The following UBE2K variants were observed in gnomAD, a reference collection of about 807,000 sequenced individuals.
UBE2K encodes ubiquitin conjugating enzyme E2 K.
In UBE2K, 6 loss-of-function variants were observed where a neutral mutation model predicts 30.0. The ratio of observed to expected loss-of-function variants is 0.20; its 90% CI spans 0.11 to 0.39. The LOEUF (loss-of-function observed/expected upper bound fraction) is 0.39. Ranked by LOEUF, UBE2K falls within the 10% of genes least tolerant of loss-of-function variation. The probability of loss-of-function intolerance (pLI) is 1.00; values close to 1 mark genes in which losing one functional copy is unlikely to be tolerated. For synonymous variants in UBE2K, 86 were observed against 83.7 expected, an observed-to-expected ratio of 1.03 and a Z score of -0.15; for missense variants, 61 against 241.6, an observed-to-expected ratio of 0.25 and a Z score of 4.96.
intron 4 of UBE2K, among the ~76,000 whole-genome samples, chr4:39,765,091 T>C (rs1712230406): frequency 6.6e-6 from 1 of 152,056 alleles, no homozygotes; most frequent in Non-Finnish European, 1.5e-5. Flanking sequence ...TTCACCGTGT[T>C]AGCCAGGATG....
At chr4:39,704,380 A>G (rs1390045487) in intron 1 of UBE2K, among the ~76,000 whole-genome samples, 3 of 152,022 alleles carry the variant, frequency 2.0e-5, no homozygotes, top group African/African-American at 7.2e-5. Flanking sequence ...GGTTTCTGGA[A>G]TGGGTTGAGC....
chr4:39,766,157 GTGTGTGTTTTTGTC>G, intron 4 of UBE2K, among the ~76,000 whole-genome samples: 1 of 151,544 alleles, frequency 6.6e-6, no homozygotes, highest in Admixed American at 6.6e-5. Flanking sequence ...TGTGTTTTTT[GTGTGTGTTTTTGTC>G]TGTGTGTGTT....
intron 3 of UBE2K, among the ~76,000 whole-genome samples, chr4:39,746,953 T>C (rs1401783422): frequency 6.6e-6 from 1 of 152,200 alleles, no homozygotes; most frequent in African/African-American, 2.4e-5. Flanking sequence ...ATATAGGTCT[T>C]TTACACCTAT....
chr4:39,711,037 TTTG>T (rs1426749326), intron 1 of UBE2K, among the ~76,000 whole-genome samples: 4 of 152,030 alleles, frequency 2.6e-5, no homozygotes, highest in Non-Finnish European at 5.9e-5. Flanking sequence ...CCTTCATATT[TTTG>T]TTTTTACTGT....
chr4:39,776,563 G>A (rs1165662653), intron 5 of UBE2K, among the ~76,000 whole-genome samples: 1 of 152,024 alleles, frequency 6.6e-6, no homozygotes, highest in African/African-American at 2.4e-5. Flanking sequence ...GCTTTTTCAA[G>A]CATTGCATTC....
At chr4:39,773,604 G>A (rs994005921) in intron 4 of UBE2K, among the ~76,000 whole-genome samples, 1 of 151,982 alleles carries the variant, frequency 6.6e-6, no homozygotes, top group Non-Finnish European at 1.5e-5. Context: ...GAAATGGATA[G>A]AAAAATAAGT....
At chr4:39,743,508 G>A (rs1430075332) in intron 2 of UBE2K, among the ~76,000 whole-genome samples, 1 of 151,900 alleles carries the variant, frequency 6.6e-6, no homozygotes, top group Non-Finnish European at 1.5e-5. Flanking sequence ...GGAGGCTGAG[G>A]CAGGAGAATG....
At position 39,739,442 on chromosome 4, in the gene UBE2K, A is replaced by ATTTT. The variant is rs35957337; in HGVS notation, c.157+1946_157+1949dup. Among the ~76,000 whole-genome samples, 44 of 105,782 alleles carry ATTTT rather than the reference A, an allele frequency of 4.2e-4. 1 individual carries two copies. The highest frequency in any genetic ancestry group is 4.8e-4 in the Non-Finnish European group (26 of 54,160). The allele number at this position is 105,782 out of a possible 152,430, so 69.4% of individuals were successfully genotyped here. A position where few individuals can be genotyped will look rare whatever the true frequency, so the allele number is the denominator to read the frequency against. On this transcript the variant is annotated intron_variant, in intron 2 of 6. Transcript: ENST00000261427. ...CATATTATACCAATTCTGTTTATTC[A>ATTTT]TTTTTTTTTTTTTTTTTTTTGGGAG... is the stretch of plus-strand genomic sequence containing the variant.
intron 1 of UBE2K, among the ~76,000 whole-genome samples, chr4:39,701,488 C>T (rs755408313): frequency 2.6e-5 from 4 of 152,034 alleles, no homozygotes; most frequent in African/African-American, 9.7e-5. Context: ...GTCCTATTTC[C>T]TAGATGAGAA....
In UBE2K at chr4:39,782,478, G is replaced by A. The variant is rs1427987249; in HGVS notation, c.*4044G>A. The stretch of plus-strand genomic sequence containing the variant: ...CTGCTGGAAGTCTACTGCCATTATA[G>A]GGAACCTTGCTTGTTAGCTTCTCTA... On this transcript the variant is annotated 3_prime_UTR_variant, in exon 7 of 7. Coordinates refer to ENST00000261427, the MANE Select transcript of UBE2K (RefSeq NM_005339.5). 1 of 152,080 alleles carries A rather than the reference G, an allele frequency of 6.6e-6. No homozygotes were observed. The highest frequency in any genetic ancestry group is 1.5e-5 in the Non-Finnish European group (1 of 68,028). The allele number at this position is 152,080 out of a possible 1,614,324, so 9.4% of individuals were successfully genotyped here.
At chr4:39,705,120 A>G (rs1241243326) in intron 1 of UBE2K, among the ~76,000 whole-genome samples, 1 of 148,714 alleles carries the variant, frequency 6.7e-6, no homozygotes, top group East Asian at 2.0e-4. Context: ...GCTGGTCTCG[A>G]GCTCCTGACC....
At position 39,768,750 on chromosome 4, in the gene UBE2K, C is replaced by T. The variant is rs180954293; in HGVS notation, c.300-6084C>T. Among the ~76,000 whole-genome samples, 648 of 152,296 alleles carry T rather than the reference C, an allele frequency of 4.3e-3. 4 individuals carry two copies. Among genetic ancestry groups the T allele is most frequent in the Admixed American group, 7.7e-3 (117 of 15,294 alleles). Reference sequence around the variant, plus strand: ...ATGGTTGTACTAATTTGTATTCCCACCAGCAGTGTGCGAGGGTTTCCTTTC... The same window carrying T: ...ATGGTTGTACTAATTTGTATTCCCATCAGCAGTGTGCGAGGGTTTCCTTTC... On this transcript the variant is annotated intron_variant, in intron 4 of 6. Transcript: ENST00000261427.
chr4:39,778,249 A>G (rs890283840), intron 6 of UBE2K, 111 bp from the exon 7 acceptor site: 7 of 549,060 alleles, frequency 1.3e-5, no homozygotes, highest in African/African-American at 7.7e-5. Flanking sequence ...ATGTAAATCA[A>G]CTTACAGAAA....
chr4:39,781,983 CATATT>C lies in UBE2K; in HGVS notation c.*3552_*3556del, dbSNP rs770868025. 1.5e-5 allele frequency: 6 copies of C among 398,290 alleles called. No individual in the cohort carries two copies. Among genetic ancestry groups the C allele is most frequent in the Non-Finnish European group, 2.7e-5 (6 of 225,902 alleles). 24.7% of individuals were successfully genotyped at this position (398,290 alleles called of 1,614,324 possible). A position where few individuals can be genotyped will look rare whatever the true frequency, so the allele number is the denominator to read the frequency against. On this transcript the variant is annotated 3_prime_UTR_variant, in exon 7 of 7. Coordinates refer to ENST00000261427, the MANE Select transcript of UBE2K (RefSeq NM_005339.5). Reference sequence around the variant, plus strand: ...AAGTGTGACTTTTCTTCAGTGTCTACATATTATGTCACACGTTCTATTTGCACTGC... The same window carrying C: ...AAGTGTGACTTTTCTTCAGTGTCTACATGTCACACGTTCTATTTGCACTGC...
rs1368883822 is a variant in UBE2K, at chr4:39,778,452, A to G, written c.*18A>G. On this transcript the variant is annotated 3_prime_UTR_variant, in exon 7 of 7. Transcript: ENST00000261427. Reference sequence around the variant, plus strand: ...GTAACTGAGGCATAGAGAGCTGCTGATATAGTCAAGCTTGCCTCTTCTTGA... The same window carrying G: ...GTAACTGAGGCATAGAGAGCTGCTGGTATAGTCAAGCTTGCCTCTTCTTGA... 1.3e-6 allele frequency: 2 copies of G among 1,563,300 alleles called. No homozygotes were observed. The highest frequency in any genetic ancestry group is 1.1e-5 in the South Asian group (1 of 89,042).
intron 1 of UBE2K, among the ~76,000 whole-genome samples, chr4:39,734,128 CAG>C (rs1228979365): frequency 7.8e-6 from 1 of 128,828 alleles, no homozygotes; most frequent in African/African-American, 2.9e-5. Context: ...TTTTTTGAGA[CAG>C]AGTCTCACTG....
chr4:39,720,714 A>G (rs1045816240), intron 1 of UBE2K, among the ~76,000 whole-genome samples: 1 of 152,090 alleles, frequency 6.6e-6, no homozygotes, highest in Admixed American at 6.5e-5. Flanking sequence ...TGAATAATGG[A>G]AAAACATTTT....
intron 4 of UBE2K, among the ~76,000 whole-genome samples, chr4:39,772,997 C>CT (rs34603997): frequency 2.0e-5 from 3 of 151,752 alleles, no homozygotes; most frequent in Non-Finnish European, 4.4e-5. Flanking sequence ...AGTGAGACAA[C>CT]TTTTTTTAAC....
Position 39,698,225 on chromosome 4 carries a change from C to A in UBE2K, c.-103C>A. The A allele has an allele frequency of 1.7e-6, 2 of 1,163,862 alleles. No individual in the cohort carries two copies. Among genetic ancestry groups the A allele is most frequent in the Non-Finnish European group, 2.5e-6 (2 of 792,842 alleles). 72.1% of individuals were successfully genotyped at this position (1,163,862 alleles called of 1,614,324 possible). On this transcript the variant is annotated 5_prime_UTR_variant, in exon 1 of 7. It adds an upstream start codon to the 5' untranslated region. Coordinates refer to ENST00000261427, the MANE Select transcript of UBE2K (RefSeq NM_005339.5). ...AGTGGCAGTGTTCGTGTGCTCAGGTCTGAATCGCCGAGGGAGGAGGCGGTG... is the reference window on the plus strand; with the variant it reads ...AGTGGCAGTGTTCGTGTGCTCAGGTATGAATCGCCGAGGGAGGAGGCGGTG...
Sources: gnomAD v4.1 joint callset for allele counts (sites outside exome capture counted in the v4.1 genomes callset) on GRCh38, gnomAD v4.1.1 for gene constraint, MANE v1.5 for transcripts, NCBI Gene and HGNC (gene_info 2026-07-23, HGNC 2026-07-21) for gene names.